Variants in GPC6 observed in about 807,000 individuals in gnomAD.
The protein encoded by GPC6 is glypican-6.
A neutral mutation model predicts 55.2 loss-of-function variants in GPC6; 14 were observed. That is an observed-to-expected ratio of 0.25 (90% confidence interval 0.17 to 0.40). GPC6 has a LOEUF of 0.40. GPC6 is among the 10% of genes least tolerant of loss of function. The probability of loss-of-function intolerance (pLI) is 1.00; values close to 1 mark genes in which losing one functional copy is unlikely to be tolerated. For missense variants in GPC6, 641 were observed against 708.5 expected, an observed-to-expected ratio of 0.90 and a Z score of 1.08; for synonymous variants, 278 against 259.6, an observed-to-expected ratio of 1.07 and a Z score of -0.68.
intron 1 of GPC6, among the ~76,000 whole-genome samples, chr13:93,476,578 T>G (rs1335017515): frequency 1.3e-5 from 2 of 152,216 alleles, no homozygotes. Flanking sequence ...TTTTGGTGGA[T>G]AGAGTTCTTA....
At chr13:93,284,639 T>C (rs1453795758) in intron 1 of GPC6, among the ~76,000 whole-genome samples, 4 of 152,150 alleles carry the variant, frequency 2.6e-5, no homozygotes, top group Non-Finnish European at 5.9e-5. Context: ...TGCCCAAGAA[T>C]CATATAGTAA....
At chr13:94,295,236 C>T (rs968663483) in intron 5 of GPC6, among the ~76,000 whole-genome samples, 2 of 152,026 alleles carry the variant, frequency 1.3e-5, no homozygotes, top group African/African-American at 4.8e-5. Context: ...ACTATAGTAC[C>T]TACTCATAAG....
At chr13:93,462,971 C>A (rs559444847) in intron 1 of GPC6, among the ~76,000 whole-genome samples, 48 of 152,202 alleles carry the variant, frequency 3.2e-4, no homozygotes, top group African/African-American at 1.1e-3. Context: ...ATTTCTAAAG[C>A]CTTCTAGACA....
chr13:93,857,742 G>C (rs1888669193), intron 3 of GPC6, among the ~76,000 whole-genome samples: 1 of 151,582 alleles, frequency 6.6e-6, no homozygotes, highest in South Asian at 2.1e-4. Flanking sequence ...AAGGGCTAGA[G>C]AAAGTGGAAT....
intron 3 of GPC6, among the ~76,000 whole-genome samples, chr13:93,902,522 A>G (rs1254273718): frequency 6.6e-6 from 1 of 152,132 alleles, no homozygotes; most frequent in Non-Finnish European, 1.5e-5. Context: ...ATAAACATGG[A>G]GGTACAGGTA....
chr13:93,800,580 G>C (rs989070693), intron 2 of GPC6, among the ~76,000 whole-genome samples: 1 of 152,060 alleles, frequency 6.6e-6, no homozygotes. Flanking sequence ...GTGACCTAGC[G>C]CAAACATAAA....
At chr13:93,504,385 T>C (rs1256524008) in intron 1 of GPC6, among the ~76,000 whole-genome samples, 1 of 151,954 alleles carries the variant, frequency 6.6e-6, no homozygotes, top group Non-Finnish European at 1.5e-5. Flanking sequence ...ATATGACACA[T>C]ACCTTGGGTT....
rs77628024 is a variant in GPC6, at chr13:93,652,529, G to A, written c.319+107108G>A. ...CACCCTTGTTAGGAATTGCATTTTT[G>A]CCCAGTGGAGGTAGAAACAGTGGCT... On this transcript the variant is annotated intron_variant, in intron 2 of 8. Coordinates refer to ENST00000377047, the MANE Select transcript of GPC6 (RefSeq NM_005708.5). Among the ~76,000 whole-genome samples, 159 of 152,250 alleles carry A rather than the reference G, an allele frequency of 1.0e-3. No individual in the cohort carries two copies. In the East Asian group the frequency reaches 0.024, roughly 23 times the overall value.
chr13:93,789,352 T>A (rs889076970), intron 2 of GPC6, among the ~76,000 whole-genome samples: 1 of 151,352 alleles, frequency 6.6e-6, no homozygotes, highest in African/African-American at 2.4e-5. Context: ...CCATCACTGT[T>A]AAGGTAGTAA....
At position 94,404,759 on chromosome 13, in the gene GPC6, G is replaced by A. The variant is rs1881300564; in HGVS notation, c.*1542G>A. ...AAAACACCTTCGGCCTAGGATTCCTGCCTGGCACTTGGATACATTACCTAA... is the reference window on the plus strand; with the variant it reads ...AAAACACCTTCGGCCTAGGATTCCTACCTGGCACTTGGATACATTACCTAA... On this transcript the variant is annotated 3_prime_UTR_variant, in exon 9 of 9. Transcript: ENST00000377047. 1 of 152,154 alleles carries A rather than the reference G, an allele frequency of 6.6e-6. No individual in the cohort carries two copies. The highest frequency in any genetic ancestry group is 1.5e-5 in the Non-Finnish European group (1 of 68,028). The allele number at this position is 152,154 out of a possible 1,614,324, so 9.4% of individuals were successfully genotyped here.
At chr13:94,243,394 C>A (rs1891110529) in intron 4 of GPC6, among the ~76,000 whole-genome samples, 1 of 152,064 alleles carries the variant, frequency 6.6e-6, no homozygotes, top group African/African-American at 2.4e-5. Context: ...AAAATCATTG[C>A]TTCCAGAAAA....
intron 2 of GPC6, among the ~76,000 whole-genome samples, chr13:93,741,801 T>G (rs1301323017): frequency 6.6e-6 from 1 of 152,196 alleles, no homozygotes; most frequent in Non-Finnish European, 1.5e-5. Context: ...TGTTGAACTT[T>G]CCATTAGTCT....
intron 5 of GPC6, among the ~76,000 whole-genome samples, chr13:94,296,478 G>A (rs926101054): frequency 6.6e-6 from 1 of 152,220 alleles, no homozygotes; most frequent in African/African-American, 2.4e-5. Context: ...CTTAAGAGAA[G>A]AGCACCTGCC....
At chr13:94,164,297 A>C (rs776244438) in intron 4 of GPC6, among the ~76,000 whole-genome samples, 5 of 152,222 alleles carry the variant, frequency 3.3e-5, no homozygotes, top group Non-Finnish European at 5.9e-5. Flanking sequence ...TTTGCACATT[A>C]CTTCCAGACT....
At chr13:93,875,351 C>T (rs557518727) in intron 3 of GPC6, among the ~76,000 whole-genome samples, 2 of 152,164 alleles carry the variant, frequency 1.3e-5, no homozygotes, top group Non-Finnish European at 2.9e-5. Flanking sequence ...GTTTTCACTT[C>T]GCTGTTGCAA....
chr13:94,401,744 T>G (rs1881139702), intron 8 of GPC6, among the ~76,000 whole-genome samples: 1 of 152,312 alleles, frequency 6.6e-6, no homozygotes, highest in South Asian at 2.1e-4. Flanking sequence ...CATAAAATAT[T>G]CTTCACTTGA....
intron 3 of GPC6, among the ~76,000 whole-genome samples, chr13:93,950,613 T>A (rs1264764173): frequency 6.6e-6 from 1 of 152,210 alleles, no homozygotes; most frequent in African/African-American, 2.4e-5. Flanking sequence ...TGTCTCCCAG[T>A]ATTTTCCCTA....
In GPC6 at chr13:94,398,502, C is replaced by G. The variant is rs1880991837; in HGVS notation, c.1326C>G (p.Asn442Lys). 1 of 1,613,604 alleles carries G rather than the reference C, an allele frequency of 6.2e-7. No individual in the cohort carries two copies. The highest frequency in any genetic ancestry group is 8.5e-7 in the Non-Finnish European group (1 of 1,179,668). Residue 442 changes from asparagine (N) to lysine (K), a missense_variant, in exon 8 of 9, where the codon AAC (asparagine) becomes AAG (lysine). By Grantham distance (94) the Asn-to-Lys change is moderately conservative. Coordinates refer to ENST00000377047, the MANE Select transcript of GPC6 (RefSeq NM_005708.5). Reference sequence around the variant, plus strand: ...AGATCATGAATGATGGGCTCACCAACCAGATCAACAATCCCGAGGTGGATG... The same window carrying G: ...AGATCATGAATGATGGGCTCACCAAGCAGATCAACAATCCCGAGGTGGATG... ...LPEIMNDGLT[N>K]QINNPEVDVD...
chr13:93,922,267 C>T (rs140027883), intron 3 of GPC6, among the ~76,000 whole-genome samples: 5 of 152,190 alleles, frequency 3.3e-5, no homozygotes, highest in African/African-American at 1.2e-4. Flanking sequence ...CTGGAACTCT[C>T]TCTAGTGGTT....
Sources: allele counts gnomAD v4.1 joint callset (sites outside exome capture counted in the v4.1 genomes callset), GRCh38; gene constraint gnomAD v4.1.1; transcripts MANE v1.5; gene names NCBI Gene and HGNC (gene_info 2026-07-23, HGNC 2026-07-21).